ARHGEF40: variants seen among roughly 807,000 people sequenced by gnomAD.
The protein encoded by ARHGEF40 is Rho guanine nucleotide exchange factor 40.
In ARHGEF40, 98 loss-of-function variants were observed where a neutral mutation model predicts 165.9. The ratio of observed to expected loss-of-function variants is 0.59; its 90% CI spans 0.50 to 0.70. The LOEUF is 0.70. Ranked by LOEUF, ARHGEF40 falls within the 30% of genes least tolerant of loss-of-function variation. ARHGEF40 has a pLI of 0.00. For missense variants in ARHGEF40, 1,815 were observed against 1,968.0 expected, an observed-to-expected ratio of 0.92 and a Z score of 1.47; for synonymous variants, 792 against 814.3, an observed-to-expected ratio of 0.97 and a Z score of 0.47.
Position 21,081,556 on chromosome 14 carries a change from G to A in ARHGEF40, c.2688G>A (p.Gly896=). The A allele has an allele frequency of 6.2e-7, 1 of 1,613,016 alleles. No homozygotes were observed. Among genetic ancestry groups the A allele is most frequent in the Non-Finnish European group, 8.5e-7 (1 of 1,179,888 alleles). The change falls in exon 14 of 24, where the codon GGG becomes GGA. Residue 896 remains glycine (G), a synonymous_variant. Coordinates refer to ENST00000298694, the MANE Select transcript of ARHGEF40 (RefSeq NM_018071.5). ...GCTTTGCTCGGCTGGCAGGAGCTGG[G>A]CCGGGTCGGGAGGCTGTGCTGGCTG... The part of the protein sequence containing the change: ...DEGFARLAGA[G]PGREAVLAAL...
chr14:21,086,995 C>T lies in ARHGEF40; in HGVS notation c.4139-6C>T. The T allele has an allele frequency of 1.0e-5, 16 of 1,593,346 alleles. No individual in the cohort carries two copies. The highest frequency in any genetic ancestry group is 1.4e-5 in the Non-Finnish European group (16 of 1,169,164). ...GAAGTTGGTAACAAGTGTCCCTATT[C>T]CCCAGAGCTCCGAGTGCAGCAGATG... On this transcript the variant is annotated splice_region_variant and splice_polypyrimidine_tract_variant and intron_variant, in intron 19 of 23. Coordinates refer to ENST00000298694, the MANE Select transcript of ARHGEF40 (RefSeq NM_018071.5).
chr14:21,085,964 G>A (rs1183948888), intron 19 of ARHGEF40, 98 bp downstream of exon 19: 7 of 1,327,364 alleles, frequency 5.3e-6, no homozygotes, highest in Non-Finnish European at 7.3e-6. Context: ...CAGTTTATAG[G>A]ATGAAGAAAG....
In ARHGEF40 at chr14:21,074,989, C is replaced by T. The variant is rs1443815675; in HGVS notation, c.1259C>T (p.Pro420Leu). Residue 420 changes from proline to leucine, a missense_variant, in exon 3 of 24, where the codon CCA becomes CTA. Physicochemically the swap from Pro to Leu is moderately conservative, Grantham distance 98 (BLOSUM62 -3). Transcript: ENST00000298694. This position sits in a 1 kb window ranked among gnomAD's most constrained non-coding sequence, Gnocchi z 4.8. Reference protein sequence around the residue: ...HQEALGNLPSPSEHKLPECHL... With the variant: ...HQEALGNLPSLSEHKLPECHL... The stretch of plus-strand genomic sequence containing the variant: ...GAAGCCCTTGGCAATCTGCCCTCAC[C>T]AAGTGAGCACAAGCTTCCAGAATGC... The T allele has an allele frequency of 6.2e-7, 1 of 1,613,202 alleles. No homozygotes were observed. The highest frequency in any genetic ancestry group is 1.1e-5 in the South Asian group (1 of 90,978).
At chr14:21,061,899 A>G in the ARHGEF40 span, among the ~76,000 whole-genome samples, 134,370 of 152,222 alleles carry the variant, frequency 0.88, 59,410 homozygotes, top group Admixed American at 0.91. Flanking sequence ...AAGGTTTTTA[A>G]GTATTCAGGA....
chr14:21,068,820 A>G (rs570530285), upstream of ARHGEF40, among the ~76,000 whole-genome samples: 1 of 152,324 alleles, frequency 6.6e-6, no homozygotes, highest in African/African-American at 2.4e-5. Flanking sequence ...TCTTGCCTCT[A>G]AGAAGGATGA....
Position 21,087,344 on chromosome 14 carries a change from C to G in ARHGEF40, c.4268C>G (p.Ala1423Gly). 1 of 1,606,612 alleles carries G rather than the reference C, an allele frequency of 6.2e-7. No individual in the cohort carries two copies. The highest frequency in any genetic ancestry group is 8.5e-7 in the Non-Finnish European group (1 of 1,179,644). Reference sequence around the variant, plus strand: ...GCCGCCCGCACCCGGGCCTCCGTGGCCGTGTCATCCTTTGAGCATGCCGGC... The same window carrying G: ...GCCGCCCGCACCCGGGCCTCCGTGGGCGTGTCATCCTTTGAGCATGCCGGC... ...GRAARTRASV[A>G]VSSFEHAGPS... Residue 1423 changes from alanine (A) to glycine (G), a missense_variant, in exon 21 of 24, where the codon GCC (alanine) becomes GGC (glycine). Physicochemically the swap from Ala to Gly is moderately conservative, Grantham distance 60. Transcript: ENST00000298694.
At chr14:21,065,391 C>T (rs189510213), upstream of ARHGEF40, among the ~76,000 whole-genome samples, 98 of 152,314 alleles carry the variant, frequency 6.4e-4, no homozygotes, top group South Asian at 0.015. Context: ...GCCCTCCTTT[C>T]AGTCTTCACT....
intron 20 of ARHGEF40, 80 bp from the exon 21 acceptor site, chr14:21,087,240 G>A: frequency 6.3e-7 from 1 of 1,582,586 alleles, no homozygotes; most frequent in Non-Finnish European, 8.6e-7. Flanking sequence ...GAGGCCCTCT[G>A]TGAGACTGAG....
At chr14:21,083,225 A>AGGATCTAAGCATCAGAAGAGTCACAG (rs1888070622) in intron 16 of ARHGEF40, among the ~76,000 whole-genome samples, 1 of 152,128 alleles carries the variant, frequency 6.6e-6, no homozygotes, top group Non-Finnish European at 1.5e-5. Flanking sequence ...GCTCACATCA[A>AGGATCTAAGCATCAGAAGAGTCACAG]AAGACGTACA....
chr14:21,073,296 T>A lies in ARHGEF40; in HGVS notation c.201+54T>A. ...TTCCCCAAGATCCACTGCCACACTC[T>A]ACAGACTAGCCAGGCTGACTAATGC... On this transcript the variant is annotated intron_variant, in intron 2 of 23. Transcript: ENST00000298694. This position sits in a 1 kb window ranked among gnomAD's most constrained non-coding sequence, Gnocchi z 4.6. The A allele has an allele frequency of 6.5e-7, 1 of 1,534,284 alleles. No individual in the cohort carries two copies. The highest frequency in any genetic ancestry group is 8.8e-7 in the Non-Finnish European group (1 of 1,134,886).
chr14:21,064,025 C>T, the ARHGEF40 span, among the ~76,000 whole-genome samples: 9 of 152,180 alleles, frequency 5.9e-5, no homozygotes, highest in Non-Finnish European at 2.9e-5. Flanking sequence ...TCTTCACAAT[C>T]AACCTTTTTA....
chr14:21,079,096 G>A (rs113586494), intron 11 of ARHGEF40, 86 bp downstream of exon 11: 2 of 1,506,462 alleles, frequency 1.3e-6, no homozygotes, highest in African/African-American at 1.4e-5. Flanking sequence ...AGTTGATGGT[G>A]TTCTTCTAGC....
chr14:21,071,909 T>C (rs1243556894), intron 1 of ARHGEF40, among the ~76,000 whole-genome samples: 1 of 152,212 alleles, frequency 6.6e-6, no homozygotes. Context: ...TTGCCCTAAC[T>C]TCCCAGACGG....
At chr14:21,086,849 A>G in intron 19 of ARHGEF40, 152 bp from the exon 20 acceptor site, 1 of 621,528 alleles carries the variant, frequency 1.6e-6, no homozygotes, top group Non-Finnish European at 2.8e-6. Context: ...TAGTCAACAG[A>G]AGGAGTAAAA....
At chr14:21,067,980 C>CT (rs1171332473), upstream of ARHGEF40, among the ~76,000 whole-genome samples, 1 of 22,284 alleles carries the variant, frequency 4.5e-5, no homozygotes, top group South Asian at 1.3e-3. Context: ...AGTGGCTCCC[C>CT]TTTTTTTTTT....
the ARHGEF40 span, among the ~76,000 whole-genome samples, chr14:21,065,030 G>C: frequency 7.5e-4 from 114 of 152,234 alleles, no homozygotes; most frequent in African/African-American, 2.6e-3. Context: ...AATTAGCCAG[G>C]CCTGGTGGCG....
the ARHGEF40 span, among the ~76,000 whole-genome samples, chr14:21,061,900 G>GGTATTCCTGAATACC: frequency 6.6e-6 from 1 of 152,086 alleles, no homozygotes; most frequent in African/African-American, 2.4e-5. Context: ...AGGTTTTTAA[G>GGTATTCCTGAATACC]TATTCAGGAA....
Position 21,076,828 on chromosome 14 carries a change from C to T in ARHGEF40, c.1972C>T (p.Leu658=). The change falls in exon 8 of 24, where the codon CTG becomes TTG. Residue 658 remains leucine, a synonymous_variant. Coordinates refer to ENST00000298694, the MANE Select transcript of ARHGEF40 (RefSeq NM_018071.5). ...DLKRVAKPEE[L]QWELGGHRDP... ...GAAAAGAGTGGCCAAGCCAGAGGAG[C>T]TGCAGTGGGAGTTAGGAGGTCACAG... 2 of 1,614,010 alleles carry T rather than the reference C, an allele frequency of 1.2e-6. No individual in the cohort carries two copies. The highest frequency in any genetic ancestry group is 1.7e-6 in the Non-Finnish European group (2 of 1,180,026).
rs1039335771 is a variant in ARHGEF40 at position 21,084,109 on chromosome 14, G to A, written c.3789+59G>A. 122 of 1,493,464 alleles carry A rather than the reference G, an allele frequency of 8.2e-5. No individual in the cohort carries two copies. The Middle Eastern group carries it at 2.6e-3, about 32-fold the overall frequency. The allele number at this position is 1,493,464 out of a possible 1,614,324, so 92.5% of individuals were successfully genotyped here. ...CTGCCCAGCCCTGGCCTCAGAAGCC[G>A]TGTAGGTTGGTGACAGGAGAACCAG... is the stretch of plus-strand genomic sequence containing the variant. On this transcript the variant is annotated intron_variant, in intron 17 of 23. Transcript: ENST00000298694.
Sources: gnomAD v4.1 joint callset for allele counts (sites outside exome capture counted in the v4.1 genomes callset) on GRCh38, gnomAD v4.1.1 for gene constraint, Gnocchi (gnomAD v3.1) non-coding constraint, MANE v1.5 for transcripts, NCBI Gene and HGNC (gene_info 2026-07-23, HGNC 2026-07-21) for gene names.